Variants in DENND2B observed in about 807,000 individuals in gnomAD.
DENND2B encodes the protein DENN domain containing 2B.
In DENND2B, 32 loss-of-function variants were observed where a neutral mutation model predicts 116.0. The observed-to-expected ratio is 0.28, with a 90% CI of 0.21 to 0.37. The LOEUF (loss-of-function observed/expected upper bound fraction) is 0.37, where lower values mean the gene tolerates loss of function less well. Ranked by LOEUF, DENND2B falls within the 10% of genes least tolerant of loss-of-function variation. The pLI is 1.00. For missense variants in DENND2B, 1,276 were observed against 1,477.7 expected, an observed-to-expected ratio of 0.86 and a Z score of 2.24; for synonymous variants, 588 against 583.9, an observed-to-expected ratio of 1.01 and a Z score of -0.10.
At chr11:8,799,767 C>G (rs1250748222) in intron 1 of DENND2B, among the ~76,000 whole-genome samples, 1 of 151,646 alleles carries the variant, frequency 6.6e-6, no homozygotes, top group Non-Finnish European at 1.5e-5. Flanking sequence ...TGGGGTCATT[C>G]AAGTTCCTTA....
intron 1 of DENND2B, among the ~76,000 whole-genome samples, chr11:8,787,451 C>T (rs770698311): frequency 5.3e-5 from 8 of 152,288 alleles, no homozygotes; most frequent in South Asian, 2.1e-4. Context: ...GCTGGGACTA[C>T]AGGCACATGC....
At chr11:8,824,012 C>T (rs2061870559) in intron 4 of DENND2B, among the ~76,000 whole-genome samples, 1 of 151,568 alleles carries the variant, frequency 6.6e-6, no homozygotes, top group African/African-American at 2.4e-5. Flanking sequence ...AAGCGATTCT[C>T]CTGCTTCAGG....
At chr11:8,893,761 T>C (rs1446918500) in intron 1 of DENND2B, among the ~76,000 whole-genome samples, 4 of 152,128 alleles carry the variant, frequency 2.6e-5, no homozygotes, top group Admixed American at 2.0e-4. Context: ...CACAAACAAA[T>C]GGAAGAACAT....
chr11:8,900,700 C>G (rs1271297960), intron 1 of DENND2B, among the ~76,000 whole-genome samples: 1 of 150,632 alleles, frequency 6.6e-6, no homozygotes. Context: ...GGTGCGGTGG[C>G]TCATGCCTGT....
At chr11:8,807,646 G>A (rs187228533) in intron 1 of DENND2B, among the ~76,000 whole-genome samples, 2 of 152,278 alleles carry the variant, frequency 1.3e-5, no homozygotes, top group African/African-American at 4.8e-5. Context: ...AGTGAGAACA[G>A]GAATGTTACT....
intron 1 of DENND2B, among the ~76,000 whole-genome samples, chr11:8,893,947 C>T (rs1291473009): frequency 6.6e-6 from 1 of 152,052 alleles, no homozygotes; most frequent in Non-Finnish European, 1.5e-5. Context: ...CAAGTCAATC[C>T]TAAGCCAAAA....
intron 1 of DENND2B, among the ~76,000 whole-genome samples, chr11:8,881,577 C>T (rs2063904216): frequency 6.6e-6 from 1 of 152,088 alleles, no homozygotes; most frequent in Non-Finnish European, 1.5e-5. Flanking sequence ...ACTCTGTCAC[C>T]CAGGCTGGAG....
chr11:8,780,382 T>C (rs1181519835), intron 1 of DENND2B, among the ~76,000 whole-genome samples: 2 of 152,188 alleles, frequency 1.3e-5, no homozygotes, highest in Admixed American at 6.5e-5. Context: ...GAAGCTTAGG[T>C]AGAAGGAGAT....
chr11:8,865,865 T>C (rs1314258671), intron 2 of DENND2B, among the ~76,000 whole-genome samples: 1 of 150,106 alleles, frequency 6.7e-6, no homozygotes, highest in Non-Finnish European at 1.5e-5. Flanking sequence ...CAAAGGGATA[T>C]TCCAGTCCTG....
intron 1 of DENND2B, among the ~76,000 whole-genome samples, chr11:8,801,475 G>A (rs1276189536): frequency 2.0e-5 from 3 of 151,820 alleles, no homozygotes; most frequent in African/African-American, 7.3e-5. Flanking sequence ...TCAGGAGTTC[G>A]AGACCAGCCT....
At chr11:8,751,227 A>T (rs1055796688) in intron 1 of DENND2B, among the ~76,000 whole-genome samples, 5 of 152,024 alleles carry the variant, frequency 3.3e-5, no homozygotes, top group South Asian at 2.1e-4. Flanking sequence ...TCTAGTGGGG[A>T]GGTGGAGAAC....
intron 1 of DENND2B, among the ~76,000 whole-genome samples, chr11:8,900,000 GTA>G (rs2064144869): frequency 6.6e-6 from 1 of 152,106 alleles, no homozygotes. Context: ...ATATCAATCA[GTA>G]GATTGTGGCC....
chr11:8,898,841 G>C (rs1289834512), intron 1 of DENND2B, among the ~76,000 whole-genome samples: 4 of 152,160 alleles, frequency 2.6e-5, no homozygotes, highest in African/African-American at 9.7e-5. Context: ...AAAAAGTGGG[G>C]CCCATATATA....
intron 4 of DENND2B, chr11:8,835,817 A>T (rs1297749314): frequency 6.6e-6 from 1 of 152,244 alleles, no homozygotes; most frequent in African/African-American, 2.4e-5. Context: ...CCCAGATCAA[A>T]CTATTACTTC....
intron 1 of DENND2B, among the ~76,000 whole-genome samples, chr11:8,788,634 C>T (rs1196536046): frequency 1.3e-5 from 2 of 152,200 alleles, no homozygotes; most frequent in African/African-American, 2.4e-5. Context: ...TCCACCCTGG[C>T]AACTTCAATA....
At chr11:8,722,300 C>A (rs561058215) in intron 4 of DENND2B, among the ~76,000 whole-genome samples, 6 of 152,184 alleles carry the variant, frequency 3.9e-5, no homozygotes, top group Admixed American at 3.9e-4. Flanking sequence ...TGGCCCTCCA[C>A]CTATGACAGA....
In DENND2B at chr11:8,880,071, A is replaced by C. The variant is rs145735102; in HGVS notation, c.-156+939T>G. The stretch of plus-strand genomic sequence containing the variant: ...GCTAACTAAGCAGCAGCCTACCCCA[A>C]CATTTCCATTATGCTGGGGAACATG... On this transcript the variant is annotated intron_variant, in intron 2 of 22. Transcript: ENST00000534127. 3.3e-3 allele frequency among the ~76,000 whole-genome samples: 498 copies of C among 152,286 alleles called. 2 individuals carry two copies. Among genetic ancestry groups the C allele is most frequent in the African/African-American group, 8.6e-3 (356 of 41,554 alleles).
intron 2 of DENND2B, among the ~76,000 whole-genome samples, chr11:8,737,544 G>A (rs1184184896): frequency 6.6e-6 from 1 of 152,096 alleles, no homozygotes; most frequent in African/African-American, 2.4e-5. Flanking sequence ...AGAAAAGGGA[G>A]GAGAAGCAGT....
In DENND2B at chr11:8,890,018, C is replaced by T. The variant is rs537719439; in HGVS notation, c.-255-8909G>A. 2.5e-3 allele frequency among the ~76,000 whole-genome samples: 383 copies of T among 152,296 alleles called. 4 individuals are homozygous for T. Among genetic ancestry groups the T allele is most frequent in the Middle Eastern group, 0.017 (5 of 294 alleles). The stretch of plus-strand genomic sequence containing the variant: ...AGTAGGGGCGGACTGACACCTCACA[C>T]GGCTGGGTACTCCTCTGAGACAAAA... On this transcript the variant is annotated intron_variant, in intron 1 of 22. Transcript: ENST00000534127.
Sources: allele counts gnomAD v4.1 joint callset (sites outside exome capture counted in the v4.1 genomes callset), GRCh38; gene constraint gnomAD v4.1.1; transcripts MANE v1.5; gene names NCBI Gene and HGNC (gene_info 2026-07-23, HGNC 2026-07-21).